The following TC2N variants were observed in gnomAD, a reference collection of about 807,000 sequenced individuals.
TC2N encodes tandem C2 domains nuclear protein.
TC2N carries 51 observed loss-of-function variants against 61.9 expected under a neutral mutation model. The ratio of observed to expected loss-of-function variants is 0.82; its 90% CI spans 0.66 to 1.04. The LOEUF is 1.04. TC2N is among the 50% of genes least tolerant of loss of function. TC2N has a pLI of 0.00. For synonymous variants in TC2N, 204 were observed against 192.6 expected (o/e 1.06, Z -0.49); for missense variants, 556 against 566.7 (o/e 0.98, Z 0.19).
chr14:91,863,323 G>A lies in TC2N; in HGVS notation c.-57+3939C>T, dbSNP rs150586364. Among the ~76,000 whole-genome samples the A allele has an allele frequency of 7.7e-3, 1,166 of 152,322 alleles. 11 individuals carry two copies. Among genetic ancestry groups the A allele is most frequent in the African/African-American group, 0.025 (1,049 of 41,560 alleles). ...CAAACGTTCATACCAAAGTTTTATA[G>A]TGGGAGAAGGAAGGGGATTGATTAG... On this transcript the variant is annotated intron_variant, in intron 1 of 11. Coordinates refer to ENST00000435962, the MANE Select transcript of TC2N (RefSeq NM_001128596.3).
intron 3 of TC2N, among the ~76,000 whole-genome samples, chr14:91,809,739 G>A (rs1038275422): frequency 1.3e-5 from 2 of 152,298 alleles, no homozygotes; most frequent in East Asian, 1.9e-4. Context: ...GAAAATCAGA[G>A]CTGCAGGAAA....
intron 4 of TC2N, among the ~76,000 whole-genome samples, chr14:91,801,863 T>C (rs1343242534): frequency 1.3e-5 from 2 of 152,254 alleles, no homozygotes; most frequent in African/African-American, 4.8e-5. Flanking sequence ...AATTTACAAA[T>C]GTATTACCTC....
At chr14:91,801,157 GT>G (rs1181271005) in intron 4 of TC2N, among the ~76,000 whole-genome samples, 1 of 151,632 alleles carries the variant, frequency 6.6e-6, no homozygotes. Context: ...AATTCACACA[GT>G]CTCAAATATG....
At chr14:91,798,769 A>G (rs1595231001) in intron 6 of TC2N, among the ~76,000 whole-genome samples, 1 of 152,136 alleles carries the variant, frequency 6.6e-6, no homozygotes, top group African/African-American at 2.4e-5. Flanking sequence ...TCACTTTTTA[A>G]AAAGCCACAC....
chr14:91,814,727 C>G (rs1005954900), intron 1 of TC2N, among the ~76,000 whole-genome samples: 1 of 151,490 alleles, frequency 6.6e-6, no homozygotes, highest in Non-Finnish European at 1.5e-5. Context: ...AATTTAGGAA[C>G]ATTGGTCAAA....
At chr14:91,798,204 T>C (rs1886008853) in intron 7 of TC2N, 95 bp downstream of exon 7, 1 of 650,256 alleles carries the variant, frequency 1.5e-6, no homozygotes, top group South Asian at 2.4e-5. Flanking sequence ...AAAGGTGGCA[T>C]TGGCCCATTC....
At chr14:91,815,351 C>A (rs1470960733) in intron 1 of TC2N, among the ~76,000 whole-genome samples, 1 of 149,316 alleles carries the variant, frequency 6.7e-6, no homozygotes, top group East Asian at 1.9e-4. Context: ...CTGCATACTT[C>A]ATGAATTATT....
intron 1 of TC2N, among the ~76,000 whole-genome samples, chr14:91,824,528 G>A (rs1887405418): frequency 6.6e-6 from 1 of 152,094 alleles, no homozygotes; most frequent in Non-Finnish European, 1.5e-5. Context: ...TGCCATTCTT[G>A]AGTCCTTCTG....
At position 91,780,809 on chromosome 14, in the gene TC2N, G is replaced by A. The variant is rs1285620209; in HGVS notation, c.*2291C>T. Reference sequence around the variant, plus strand: ...TCACAATATGCATACCTATTAGCAGGAGATTGGATTTTTATTTATAGGTCC... The same window carrying A: ...TCACAATATGCATACCTATTAGCAGAAGATTGGATTTTTATTTATAGGTCC... On this transcript the variant is annotated 3_prime_UTR_variant, in exon 12 of 12. Transcript: ENST00000435962. The A allele has an allele frequency of 1.3e-5, 2 of 152,128 alleles. No homozygotes were observed. Among genetic ancestry groups the A allele is most frequent in the East Asian group, 3.8e-4 (2 of 5,202 alleles). The allele number at this position is 152,128 out of a possible 1,614,324, so 9.4% of individuals were successfully genotyped here. A position where few individuals can be genotyped will look rare whatever the true frequency, so the allele number is the denominator to read the frequency against.
chr14:91,791,167 GGA>G (rs1207878179), intron 9 of TC2N, among the ~76,000 whole-genome samples: 2 of 81,790 alleles, frequency 2.4e-5, no homozygotes, highest in East Asian at 8.8e-4. Context: ...GGAAGGGAAG[GGA>G]AGGGAAAGGA....
At chr14:91,841,908 A>G (rs140823239) in intron 1 of TC2N, among the ~76,000 whole-genome samples, 230 of 151,060 alleles carry the variant, frequency 1.5e-3, no homozygotes, top group African/African-American at 5.2e-3. Context: ...CCTCCAATAC[A>G]TCATTCATGT....
chr14:91,817,240 C>T (rs1305061509), intron 1 of TC2N, among the ~76,000 whole-genome samples: 1 of 151,720 alleles, frequency 6.6e-6, no homozygotes, highest in Non-Finnish European at 1.5e-5. Flanking sequence ...AAGTGTATGC[C>T]TGTATAATTT....
intron 4 of TC2N, among the ~76,000 whole-genome samples, chr14:91,801,528 A>T (rs1452384001): frequency 6.6e-6 from 1 of 152,112 alleles, no homozygotes; most frequent in African/African-American, 2.4e-5. Context: ...GTGGTGGCAC[A>T]CTTCTGTAGC....
At chr14:91,844,900 A>T (rs946198920) in intron 1 of TC2N, among the ~76,000 whole-genome samples, 1 of 152,064 alleles carries the variant, frequency 6.6e-6, no homozygotes, top group Admixed American at 6.6e-5. Flanking sequence ...TCATGGACCT[A>T]CTACGTGCCA....
At chr14:91,830,733 T>A (rs1595264383) in intron 1 of TC2N, among the ~76,000 whole-genome samples, 1 of 151,916 alleles carries the variant, frequency 6.6e-6, no homozygotes, top group Admixed American at 6.5e-5. Flanking sequence ...AAGAAATGAT[T>A]TTTTAAATTT....
At chr14:91,787,717 T>C (rs1163222626) in intron 9 of TC2N, 90 bp from the exon 10 acceptor site, 1 of 706,668 alleles carries the variant, frequency 1.4e-6, no homozygotes, top group African/African-American at 1.8e-5. Flanking sequence ...AGGTTAGAAA[T>C]TTTGAAAGTA....
intron 1 of TC2N, among the ~76,000 whole-genome samples, chr14:91,822,658 G>A (rs1887305954): frequency 6.6e-6 from 1 of 151,510 alleles, no homozygotes. Flanking sequence ...GGGACAGAAA[G>A]GAAGGACTTG....
At chr14:91,826,041 G>T (rs185312820) in intron 1 of TC2N, among the ~76,000 whole-genome samples, 52 of 152,236 alleles carry the variant, frequency 3.4e-4, no homozygotes, top group African/African-American at 1.3e-3. Context: ...TCTTGGCAGG[G>T]CATAGTGCCT....
intron 3 of TC2N, among the ~76,000 whole-genome samples, chr14:91,804,102 A>C (rs111439986): frequency 0.017 from 2,616 of 152,340 alleles, 30 homozygotes; most frequent in Non-Finnish European, 0.025. Context: ...CAATCTCATT[A>C]GTCATGAGGA....
Sources: gnomAD v4.1 joint callset for allele counts (sites outside exome capture counted in the v4.1 genomes callset) on GRCh38, gnomAD v4.1.1 for gene constraint, MANE v1.5 for transcripts, NCBI Gene and HGNC (gene_info 2026-07-23, HGNC 2026-07-21) for gene names.